Variants in USP8 observed in about 807,000 individuals in gnomAD.
USP8 encodes ubiquitin specific peptidase 8.
Under a neutral mutation model 130.0 loss-of-function variants are expected in USP8, and 27 were observed. That is an observed-to-expected ratio of 0.21 (90% CI 0.15 to 0.29). The LOEUF is 0.29. Ranked by LOEUF, USP8 falls within the 10% of genes least tolerant of loss-of-function variation. USP8 has a pLI of 1.00. For missense variants in USP8, 1,029 were observed against 1,312.2 expected (o/e 0.78, Z 3.33); for synonymous variants, 392 against 444.1 (o/e 0.88, Z 1.48).
chr15:50,492,977 C>T, intron 15 of USP8, 64 bp downstream of exon 15: 1 of 1,452,724 alleles, frequency 6.9e-7, no homozygotes, highest in Non-Finnish European at 9.6e-7. Flanking sequence ...TATTTACTGT[C>T]TTAGTCCATT....
chr15:50,467,935 T>TTTTA (rs1307451336), intron 7 of USP8, among the ~76,000 whole-genome samples: 1 of 151,534 alleles, frequency 6.6e-6, no homozygotes, highest in Admixed American at 6.6e-5. Flanking sequence ...ATTTATTTAT[T>TTTTA]TTTATTTATT....
intron 1 of USP8, among the ~76,000 whole-genome samples, chr15:50,433,827 G>A (rs575247692): frequency 3.7e-4 from 56 of 152,206 alleles, no homozygotes; most frequent in Admixed American, 1.2e-3. Flanking sequence ...GGATGGTCTT[G>A]ATCTCCTGAC....
In USP8 at chr15:50,499,930, A is replaced by ATAT. The variant is rs951756367; in HGVS notation, c.*845_*847dup. 4.6e-5 allele frequency: 7 copies of ATAT among 152,184 alleles called. No homozygotes were observed. Among genetic ancestry groups the ATAT allele is most frequent in the Non-Finnish European group, 8.8e-5 (6 of 68,028 alleles). 9.4% of individuals were successfully genotyped at this position (152,184 alleles called of 1,614,324 possible). ...CACATATTGAGAATATTCATTCTAA[A>ATAT]TATTAAAGTAAAAATGCCGGGAGTC... On this transcript the variant is annotated 3_prime_UTR_variant, in exon 20 of 20. Coordinates refer to ENST00000307179, the MANE Select transcript of USP8 (RefSeq NM_005154.5).
chr15:50,471,660 C>A lies in USP8; in HGVS notation c.714C>A (p.His238Gln). 1 of 1,613,472 alleles carries A rather than the reference C, an allele frequency of 6.2e-7. No homozygotes were observed. The highest frequency in any genetic ancestry group is 8.5e-7 in the Non-Finnish European group (1 of 1,179,926). ...TCACTGCTAGTTGGATTGAAGCACA[C>A]CTGCCAGATGATTCTAAAGACACAT... ...PGVTASWIEA[H>Q]LPDDSKDTWK... Residue 238 changes from histidine (H) to glutamine (Q), a missense_variant, in exon 8 of 20, where the codon CAC (histidine) becomes CAA (glutamine). His to Gln is a conservative substitution (Grantham distance 24). Around this residue, in one of 4 missense-constraint regions of USP8, gnomAD observed 281 missense variants for 336.7 expected, o/e 0.83. Transcript: ENST00000307179.
At chr15:50,445,729 C>T (rs570097990) in intron 3 of USP8, among the ~76,000 whole-genome samples, 306 of 150,468 alleles carry the variant, frequency 2.0e-3, no homozygotes, top group African/African-American at 7.2e-3. Context: ...TGGTGGCAGG[C>T]GCCTGTAATC....
intron 1 of USP8, among the ~76,000 whole-genome samples, chr15:50,427,092 C>A (rs2141240925): frequency 6.6e-6 from 1 of 151,654 alleles, no homozygotes; most frequent in Non-Finnish European, 1.5e-5. Flanking sequence ...TAGCATGTCA[C>A]CAAGCCCAGC....
Position 50,481,930 on chromosome 15 carries a change from A to AAGT in USP8, c.1669_1671dup (p.Ser557dup). 1 of 1,608,528 alleles carries AAGT rather than the reference A, an allele frequency of 6.2e-7. No individual in the cohort carries two copies. Among genetic ancestry groups the AAGT allele is most frequent in the Non-Finnish European group, 8.5e-7 (1 of 1,178,644 alleles). On this transcript the variant is annotated inframe_insertion, in exon 11 of 20. Coordinates refer to ENST00000307179, the MANE Select transcript of USP8 (RefSeq NM_005154.5). ...TAACAGGAGTAAAAAGACAAAGTAA[A>AAGT]AGTGAACATGAAACTTCTGATGCCA...
In USP8 at chr15:50,513,104, A is replaced by C. The variant is rs534915133; in HGVS notation, c.*14016A>C. On this transcript the variant is annotated 3_prime_UTR_variant, in exon 20 of 20. Transcript: ENST00000307179. ...TAATTTTGTATCCATTAGATGGCAA[A>C]AATTAAGAAGTCTGATGATCCTGGT... is the stretch of plus-strand genomic sequence containing the variant. 5 of 152,312 alleles carry C rather than the reference A, an allele frequency of 3.3e-5. No homozygotes were observed. The highest frequency in any genetic ancestry group is 9.6e-5 in the African/African-American group (4 of 41,580). The allele number at this position is 152,312 out of a possible 1,614,324, so 9.4% of individuals were successfully genotyped here. A position where few individuals can be genotyped will look rare whatever the true frequency, so the allele number is the denominator to read the frequency against.
chr15:50,455,185 C>T (rs2050752602), intron 4 of USP8, among the ~76,000 whole-genome samples: 1 of 151,260 alleles, frequency 6.6e-6, no homozygotes. Flanking sequence ...AAGTGATTCT[C>T]CCGCCTTCAC....
intron 15 of USP8, chr15:50,493,705 G>A (rs768334069): frequency 4.8e-5 from 18 of 374,152 alleles, no homozygotes; most frequent in Non-Finnish European, 7.8e-5. Flanking sequence ...TGATTGTGCC[G>A]CTATACTCCA....
intron 12 of USP8, among the ~76,000 whole-genome samples, chr15:50,486,846 C>T (rs1235118773): frequency 1.3e-5 from 2 of 152,060 alleles, no homozygotes; most frequent in Non-Finnish European, 2.9e-5. Context: ...AAAGAACTTA[C>T]TAATGGCCGG....
chr15:50,485,736 A>G (rs1414991411), intron 12 of USP8, among the ~76,000 whole-genome samples: 1 of 151,840 alleles, frequency 6.6e-6, no homozygotes, highest in Non-Finnish European at 1.5e-5. Context: ...TGGGATATAT[A>G]TACAGTCTTC....
At chr15:50,466,612 AAT>A in intron 7 of USP8, 1 of 155,302 alleles carries the variant, frequency 6.4e-6, no homozygotes, top group South Asian at 2.0e-4. Flanking sequence ...AAAAAAAAAA[AAT>A]TAGAGCTCTT....
rs137974858 is a variant in USP8, at chr15:50,426,260, A to T, written c.-66+1746A>T. Among the ~76,000 whole-genome samples the T allele has an allele frequency of 2.7e-3, 416 of 152,372 alleles. 2 individuals carry two copies. Among genetic ancestry groups the T allele is most frequent in the African/African-American group, 9.5e-3 (396 of 41,594 alleles). The stretch of plus-strand genomic sequence containing the variant: ...TATATTACGAACTTTTCTCCATGAA[A>T]ATGCACTCATATTTATGGAAGTGAA... On this transcript the variant is annotated intron_variant, in intron 1 of 19. Transcript: ENST00000307179.
At chr15:50,472,611 A>T (rs2051418458) in intron 8 of USP8, among the ~76,000 whole-genome samples, 1 of 148,348 alleles carries the variant, frequency 6.7e-6, no homozygotes, top group Admixed American at 6.8e-5. Context: ...AAAAAAAAAA[A>T]AAAATATTGC....
Position 50,455,440 on chromosome 15 carries a change from C to G in USP8, c.336-3560C>G, listed in dbSNP as rs2141273708. On this transcript the variant is annotated intron_variant, in intron 4 of 19. Coordinates refer to ENST00000307179, the MANE Select transcript of USP8 (RefSeq NM_005154.5). ...TCTATTATTTTTTTACAGAGATTTC[C>G]TATTTGTTCATTTATTACAAGCACA... is the stretch of plus-strand genomic sequence containing the variant. 1.4e-5 allele frequency among the ~76,000 whole-genome samples: 2 copies of G among 143,268 alleles called. 1 individual carries two copies. Among genetic ancestry groups the G allele is most frequent in the East Asian group, 4.7e-4 (2 of 4,254 alleles). The allele number at this position is 143,268 out of a possible 152,430, so 94.0% of individuals were successfully genotyped here. A position where few individuals can be genotyped will look rare whatever the true frequency, so the allele number is the denominator to read the frequency against.
intron 10 of USP8, among the ~76,000 whole-genome samples, chr15:50,479,435 GTCA>G (rs959266882): frequency 4.6e-5 from 7 of 152,278 alleles, no homozygotes; most frequent in African/African-American, 1.4e-4. Context: ...ATGGACAAGA[GTCA>G]TCAAGAGAGA....
intron 10 of USP8, among the ~76,000 whole-genome samples, chr15:50,479,183 A>G (rs2051676482): frequency 6.6e-6 from 1 of 152,250 alleles, no homozygotes; most frequent in Non-Finnish European, 1.5e-5. Context: ...TAATTGCTCT[A>G]CAAGGCACTG....
chr15:50,493,920 G>T, intron 15 of USP8, 150 bp from the exon 16 acceptor site: 2 of 953,228 alleles, frequency 2.1e-6, no homozygotes, highest in Non-Finnish European at 3.4e-6. Flanking sequence ...ATTCAGATGA[G>T]AATCTGGTGG....
Sources: gnomAD v4.1 joint callset for allele counts (sites outside exome capture counted in the v4.1 genomes callset) on GRCh38, gnomAD v4.1.1 for gene constraint, gnomAD v4.1.1 regional missense constraint, MANE v1.5 for transcripts, NCBI Gene and HGNC (gene_info 2026-07-23, HGNC 2026-07-21) for gene names.